The following RPTOR variants were observed in gnomAD, a reference collection of about 807,000 sequenced individuals.
The protein encoded by RPTOR is regulatory associated protein of MTOR complex 1, also known as regulatory-associated protein of mTOR.
A neutral mutation model predicts 169.9 loss-of-function variants in RPTOR; 21 were observed. The observed-to-expected ratio is 0.12, with a 90% confidence interval of 0.09 to 0.18. The LOEUF is 0.18. Ranked by LOEUF, RPTOR falls within the 10% of genes least tolerant of loss-of-function variation. The pLI is 1.00. For missense variants in RPTOR, 1,133 were observed against 1,855.9 expected (o/e 0.61, Z 7.16); for synonymous variants, 732 against 753.2 (o/e 0.97, Z 0.46).
chr17:80,871,224 G>A (rs1567959355), intron 13 of RPTOR, among the ~76,000 whole-genome samples: 1 of 152,150 alleles, frequency 6.6e-6, no homozygotes, highest in Non-Finnish European at 1.5e-5. Context: ...TCCTGCCTCA[G>A]CCTCCCGAGT....
intron 4 of RPTOR, among the ~76,000 whole-genome samples, chr17:80,712,039 C>T (rs556166102): frequency 2.0e-5 from 3 of 152,200 alleles, no homozygotes; most frequent in East Asian, 3.9e-4. Context: ...CCACCGTGCC[C>T]AGCAGTCTTT....
At chr17:80,964,158 C>G in intron 33 of RPTOR, 104 bp from the exon 34 acceptor site, 3 of 1,011,826 alleles carry the variant, frequency 3.0e-6, no homozygotes, top group Non-Finnish European at 4.6e-6. Context: ...TTCCTGAGAC[C>G]CCGGCAGGAG....
In RPTOR at chr17:80,891,746, T is replaced by C. The variant is rs2289764; in HGVS notation, c.2010T>C (p.Leu670=). 0.26 allele frequency: 422,079 copies of C among 1,611,866 alleles called. 62,369 individuals carry two copies. Among genetic ancestry groups the C allele is most frequent in the African/African-American group, 0.64 (48,142 of 74,890 alleles). ...RKELVVALSH[L]VVQYESNFCT... is the part of the protein sequence containing the mutation. ...AGCTGGTGGTGGCTCTGAGTCATCT[T>C]GTGGTTCAGTATGAAAGCAATTTCT... Residue 670 remains leucine, a synonymous_variant, in exon 18 of 34, where the codon CTT becomes CTC. Coordinates refer to ENST00000306801, the MANE Select transcript of RPTOR (RefSeq NM_020761.3).
At chr17:80,866,209 T>C (rs2067988804) in intron 13 of RPTOR, among the ~76,000 whole-genome samples, 1 of 149,712 alleles carries the variant, frequency 6.7e-6, no homozygotes, top group South Asian at 2.1e-4. Context: ...CATATAATTA[T>C]AAATACTTGC....
At chr17:80,580,355 T>G (rs1169219206) in intron 1 of RPTOR, among the ~76,000 whole-genome samples, 1 of 152,226 alleles carries the variant, frequency 6.6e-6, no homozygotes. Context: ...AATTGCTGTT[T>G]GGGAAGTTTG....
chr17:80,667,143 C>T (rs755581913), intron 3 of RPTOR, among the ~76,000 whole-genome samples: 4 of 152,170 alleles, frequency 2.6e-5, no homozygotes, highest in Non-Finnish European at 5.9e-5. Flanking sequence ...GGATCCCTGC[C>T]CCGGTGCATG....
intron 6 of RPTOR, among the ~76,000 whole-genome samples, chr17:80,786,465 A>T (rs765718420): frequency 1.3e-5 from 2 of 152,122 alleles, no homozygotes; most frequent in Non-Finnish European, 2.9e-5. Flanking sequence ...TTAAAAGAAA[A>T]CTCTAGGCAA....
At chr17:80,855,606 G>C (rs573829385) in intron 12 of RPTOR, 59 bp downstream of exon 12, 1 of 1,277,336 alleles carries the variant, frequency 7.8e-7, no homozygotes, top group Non-Finnish European at 1.1e-6. Flanking sequence ...ATTAGGCTCC[G>C]TGTTTCAGTC....
intron 6 of RPTOR, among the ~76,000 whole-genome samples, chr17:80,773,346 A>G (rs561138592): frequency 3.9e-5 from 6 of 152,352 alleles, no homozygotes; most frequent in African/African-American, 1.4e-4. Flanking sequence ...ACACTCTGGT[A>G]AATAGCGCCT....
At chr17:80,905,268 T>A (rs2068526513) in intron 20 of RPTOR, among the ~76,000 whole-genome samples, 1 of 152,098 alleles carries the variant, frequency 6.6e-6, no homozygotes, top group Non-Finnish European at 1.5e-5. Context: ...GAGGGCCAAC[T>A]GTAATAAAAA....
intron 25 of RPTOR, among the ~76,000 whole-genome samples, chr17:80,942,944 C>T (rs1273247305): frequency 2.0e-5 from 3 of 152,272 alleles, no homozygotes; most frequent in African/African-American, 7.2e-5. Context: ...GGAATGGAGG[C>T]ACCACTAGGG....
At chr17:80,558,216 G>A (rs1052964761) in intron 1 of RPTOR, among the ~76,000 whole-genome samples, 2 of 152,158 alleles carry the variant, frequency 1.3e-5, no homozygotes, top group African/African-American at 4.8e-5. Context: ...CAAGGGGATG[G>A]TTTGAGTCAG....
At chr17:80,888,938 G>A (rs1245442847) in intron 17 of RPTOR, among the ~76,000 whole-genome samples, 9 of 152,226 alleles carry the variant, frequency 5.9e-5, no homozygotes, top group Non-Finnish European at 1.5e-5. Context: ...CCCAGTGCAG[G>A]GGCTGTGCCC....
At position 80,965,124 on chromosome 17, in the gene RPTOR, C is replaced by T. The variant is rs891471251; in HGVS notation, c.*794C>T. 13 of 233,348 alleles carry T rather than the reference C, an allele frequency of 5.6e-5. No individual in the cohort carries two copies. Among genetic ancestry groups the T allele is most frequent in the East Asian group, 4.8e-4 (8 of 16,596 alleles). The allele number at this position is 233,348 out of a possible 1,614,324, so 14.5% of individuals were successfully genotyped here. Reference sequence around the variant, plus strand: ...GCGAGGTAGCCCCTGCCTTAATCCACGGGGCTCCTTTCCCTCCGAAGGGCT... The same window carrying T: ...GCGAGGTAGCCCCTGCCTTAATCCATGGGGCTCCTTTCCCTCCGAAGGGCT... On this transcript the variant is annotated 3_prime_UTR_variant, in exon 34 of 34. Transcript: ENST00000306801.
At chr17:80,652,515 A>C (rs1287474655) in intron 3 of RPTOR, among the ~76,000 whole-genome samples, 1 of 152,218 alleles carries the variant, frequency 6.6e-6, no homozygotes, top group Admixed American at 6.5e-5. Context: ...GCATGTGTAG[A>C]GATAGGGTCT....
At chr17:80,951,674 G>C (rs2069180396) in intron 28 of RPTOR, among the ~76,000 whole-genome samples, 1 of 152,198 alleles carries the variant, frequency 6.6e-6, no homozygotes, top group African/African-American at 2.4e-5. Flanking sequence ...AGTTCACTCG[G>C]CATCACAGAA....
intron 1 of RPTOR, among the ~76,000 whole-genome samples, chr17:80,552,316 G>C (rs1020699000): frequency 5.9e-5 from 9 of 152,092 alleles, no homozygotes; most frequent in African/African-American, 2.2e-4. Flanking sequence ...CTGCTTCTTG[G>C]ATAGAAACTC....
chr17:80,727,472 A>G (rs922341249), intron 4 of RPTOR, among the ~76,000 whole-genome samples: 42 of 150,916 alleles, frequency 2.8e-4, no homozygotes, highest in African/African-American at 9.8e-4. Context: ...CGCCCCGAGA[A>G]CGTGGACGCT....
rs17848635 is a variant in RPTOR, at chr17:80,855,829, T to C, written c.1398+282T>C. 4.2e-3 allele frequency among the ~76,000 whole-genome samples: 639 copies of C among 152,238 alleles called. 10 individuals carry two copies. In the East Asian group the frequency reaches 0.07, roughly 17 times the overall value. ...TAGGAGTGAGTGTGTTGTCGGCCGG[T>C]CACCTTTTCCTGAGCCGCCCCCAGC... On this transcript the variant is annotated intron_variant, in intron 12 of 33. Transcript: ENST00000306801.
Sources: allele counts gnomAD v4.1 joint callset (sites outside exome capture counted in the v4.1 genomes callset), GRCh38; gene constraint gnomAD v4.1.1; transcripts MANE v1.5; gene names NCBI Gene and HGNC (gene_info 2026-07-23, HGNC 2026-07-21).